Variants in SPDL1 observed in about 807,000 individuals in gnomAD.
SPDL1 encodes the protein protein Spindly.
Under a neutral mutation model 79.5 loss-of-function variants are expected in SPDL1, and 85 were observed. The observed-to-expected ratio is 1.07, with a 90% CI of 0.90 to 1.28. The LOEUF (loss-of-function observed/expected upper bound fraction) is 1.28. Among genes scored for constraint, SPDL1 ranks in the 50% most tolerant of loss-of-function variants. SPDL1 has a pLI of 0.00. For synonymous variants in SPDL1, 269 were observed against 240.3 expected, an observed-to-expected ratio of 1.12 and a Z score of -1.10; for missense variants, 703 against 697.8, an observed-to-expected ratio of 1.01 and a Z score of -0.08.
chr5:169,589,755 G>A (rs1755178123), intron 2 of SPDL1, among the ~76,000 whole-genome samples: 1 of 150,520 alleles, frequency 6.6e-6, no homozygotes, highest in Non-Finnish European at 1.5e-5. Flanking sequence ...AGGCTGGAGT[G>A]CAGTGGCGCA....
chr5:169,603,606 G>A lies in SPDL1; in HGVS notation c.1671-454G>A, dbSNP rs111499928. ...CGTGGTGCCTCACACCTGTAATCCC[G>A]GCACTTTGGGAGGCTGAGGCAGGTG... On this transcript the variant is annotated intron_variant, in intron 11 of 11. Transcript: ENST00000265295. Among the ~76,000 whole-genome samples, 1,417 of 152,070 alleles carry A rather than the reference G, an allele frequency of 9.3e-3. 28 individuals carry two copies. Among genetic ancestry groups the A allele is most frequent in the African/African-American group, 0.031 (1,268 of 41,470 alleles).
chr5:169,600,883 C>T (rs186337518), intron 10 of SPDL1, among the ~76,000 whole-genome samples: 78 of 152,236 alleles, frequency 5.1e-4, no homozygotes, highest in African/African-American at 1.7e-3. Context: ...AAATGAAGCT[C>T]AGAGAGGTTA....
At chr5:169,592,214 C>CTTTTTTTTTTTTTTTTTTTTTT (rs397884840) in intron 3 of SPDL1, among the ~76,000 whole-genome samples, 1 of 97,050 alleles carries the variant, frequency 1.0e-5, no homozygotes, top group Non-Finnish European at 1.9e-5. Flanking sequence ...TTTTTTTTTC[C>CTTTTTTTTTTTTTTTTTTTTTT]TTTTTTTTTT....
intron 9 of SPDL1, among the ~76,000 whole-genome samples, 154 bp from the exon 10 acceptor site, chr5:169,598,818 G>C (rs1755732617): frequency 6.6e-6 from 1 of 152,096 alleles, no homozygotes; most frequent in African/African-American, 2.4e-5. Context: ...TATTGTTAAG[G>C]ATTATTTAAA....
At chr5:169,585,366 C>A (rs921470436) in intron 1 of SPDL1, among the ~76,000 whole-genome samples, 1 of 152,122 alleles carries the variant, frequency 6.6e-6, no homozygotes, top group African/African-American at 2.4e-5. Context: ...TTTAGGTTGC[C>A]ATTGTGTTGT....
At chr5:169,601,894 T>C (rs971234426) in intron 11 of SPDL1, 14 of 505,604 alleles carry the variant, frequency 2.8e-5, no homozygotes, top group South Asian at 4.1e-5. Flanking sequence ...TTAACACATC[T>C]CTGAATGTTT....
chr5:169,590,970 T>G (rs1215781649), intron 2 of SPDL1, 78 bp from the exon 3 acceptor site: 4 of 1,190,354 alleles, frequency 3.4e-6, no homozygotes, highest in Non-Finnish European at 3.7e-6. Context: ...AATGAAACAA[T>G]TGAAGTTGAA....
chr5:169,591,433 A>C (rs1361499796), intron 3 of SPDL1, among the ~76,000 whole-genome samples: 2 of 152,210 alleles, frequency 1.3e-5, no homozygotes, highest in African/African-American at 4.8e-5. Context: ...ATTAAATACA[A>C]TTATTTAATT....
rs116321357 is a variant in SPDL1 at position 169,590,618 on chromosome 5, A to T, written c.160-430A>T. ...TGACTACATTCTGAAAGTAAAGGCT[A>T]ATTCAGTATTTCTTTTTTTTCAACT... is the stretch of plus-strand genomic sequence containing the variant. On this transcript the variant is annotated intron_variant, in intron 2 of 11. Transcript: ENST00000265295. The T allele has an allele frequency of 4.4e-3, 1,830 of 415,398 alleles. 31 individuals are homozygous for T. The highest frequency in any genetic ancestry group is 0.034 in the African/African-American group (1,650 of 48,954). 25.7% of individuals were successfully genotyped at this position (415,398 alleles called of 1,614,324 possible).
intron 2 of SPDL1, among the ~76,000 whole-genome samples, chr5:169,589,283 C>T (rs964052994): frequency 5.9e-5 from 9 of 152,136 alleles, no homozygotes; most frequent in East Asian, 3.9e-4. Context: ...GCCTTCTGGC[C>T]GGGTTGCCTG....
chr5:169,601,877 TCA>T (rs752041849), intron 11 of SPDL1: 4 of 557,014 alleles, frequency 7.2e-6, no homozygotes, highest in Non-Finnish European at 9.7e-6. Flanking sequence ...AAAGGGAATA[TCA>T]CAGTTTAACA....
intron 7 of SPDL1, among the ~76,000 whole-genome samples, 174 bp downstream of exon 7, chr5:169,594,855 A>T (rs1336302211): frequency 6.6e-6 from 1 of 152,232 alleles, no homozygotes; most frequent in Admixed American, 6.5e-5. Flanking sequence ...TTTATAGTTT[A>T]AAAATCTTGG....
intron 9 of SPDL1, 80 bp downstream of exon 9, chr5:169,598,659 T>C (rs1028845712): frequency 9.7e-6 from 12 of 1,242,550 alleles, no homozygotes; most frequent in Non-Finnish European, 1.4e-5. Context: ...CAAAGTTTTT[T>C]TGAAATTGCC....
At position 169,594,108 on chromosome 5, in the gene SPDL1, C is replaced by CA. The variant is rs748668253; in HGVS notation, c.532-35dup. The CA allele has an allele frequency of 2.6e-6, 4 of 1,547,134 alleles. No individual in the cohort carries two copies. In the South Asian group the frequency reaches 4.8e-5, roughly 19 times the overall value. ...AGCAGCTGCCAAATGAAAGATTATT[C>CA]AAGAGAATTTCCTCCTTTTCAATTC... On this transcript the variant is annotated intron_variant, in intron 4 of 11. Transcript: ENST00000265295.
Position 169,601,454 on chromosome 5 carries a change from A to C in SPDL1, c.1499A>C (p.Gln500Pro), listed in dbSNP as rs1184435458. The C allele has an allele frequency of 6.2e-7, 1 of 1,614,078 alleles. No individual in the cohort carries two copies. The highest frequency in any genetic ancestry group is 8.5e-7 in the Non-Finnish European group (1 of 1,180,022). Residue 500 changes from glutamine (Q) to proline (P), a missense_variant, in exon 11 of 12, where the codon CAA becomes CCA. Gln to Pro is a moderately conservative substitution (Grantham distance 76). Transcript: ENST00000265295. Reference protein sequence around the residue: ...CPNSLEDNNLQLEKSVSIYTP... With the variant: ...CPNSLEDNNLPLEKSVSIYTP... ...AACAGTTTAGAAGATAACAACTTGC[A>C]ATTAGAAAAATCAGTTTCTATATAC...
Position 169,594,615 on chromosome 5 carries a change from G to C in SPDL1, c.825G>C (p.Met275Ile). The change falls in exon 7 of 12, where the codon ATG (methionine) becomes ATC (isoleucine). Residue 275 changes from methionine (M) to isoleucine (I), a missense_variant. Coordinates refer to ENST00000265295, the MANE Select transcript of SPDL1 (RefSeq NM_017785.5). ...RAAMERQLIS[M>I]KVKYQSLKKQ... ...CAATGGAACGTCAGCTCATCAGTATGAAAGTCAAGTATCAGTCACTAAAGA... is the reference window on the plus strand; with the variant it reads ...CAATGGAACGTCAGCTCATCAGTATCAAAGTCAAGTATCAGTCACTAAAGA... 6.2e-7 allele frequency: 1 copy of C among 1,613,994 alleles called. No homozygotes were observed. The highest frequency in any genetic ancestry group is 8.5e-7 in the Non-Finnish European group (1 of 1,179,870).
At chr5:169,590,741 T>A (rs1179785094) in intron 2 of SPDL1, 1 of 474,990 alleles carries the variant, frequency 2.1e-6, no homozygotes, top group Non-Finnish European at 4.2e-6. Flanking sequence ...TTAAATCTTT[T>A]TTTGTTGTTA....
rs1329992137 is a variant in SPDL1 at position 169,601,614 on chromosome 5, T to G, written c.1659T>G (p.Pro553=). 6.2e-7 allele frequency: 1 copy of G among 1,614,072 alleles called. No individual in the cohort carries two copies. Among genetic ancestry groups the G allele is most frequent in the Admixed American group, 1.7e-5 (1 of 59,998 alleles). The change falls in exon 11 of 12, where the codon CCT becomes CCG. Residue 553 remains proline, a synonymous_variant. Coordinates refer to ENST00000265295, the MANE Select transcript of SPDL1 (RefSeq NM_017785.5). ...EALSERSGNT[P]NSPRLAAESK... ...TAAGTGAAAGAAGTGGAAACACCCC[T>G]AACTCTCCCAGGTCAGTGTCCTCTT...
intron 3 of SPDL1, among the ~76,000 whole-genome samples, chr5:169,593,102 G>A (rs141128289): frequency 2.5e-3 from 379 of 152,208 alleles, no homozygotes; most frequent in Non-Finnish European, 3.5e-3. Context: ...TCACACAGTA[G>A]CCAAGTGGTC....
Sources: allele counts gnomAD v4.1 joint callset (sites outside exome capture counted in the v4.1 genomes callset), GRCh38; gene constraint gnomAD v4.1.1; transcripts MANE v1.5; gene names NCBI Gene and HGNC (gene_info 2026-07-23, HGNC 2026-07-21).